ZNF704: variants seen among roughly 807,000 people sequenced by gnomAD.
The protein encoded by ZNF704 is zinc finger protein 704.
ZNF704 carries 10 observed loss-of-function variants against 44.7 expected under a neutral mutation model. That is an observed-to-expected ratio of 0.22 (90% CI 0.14 to 0.38). The LOEUF is 0.38. Among genes scored for constraint, ZNF704 ranks in the 10% least tolerant of loss-of-function variants. ZNF704 has a pLI of 1.00. For synonymous variants in ZNF704, 211 were observed against 207.6 expected (o/e 1.02, Z -0.14); for missense variants, 390 against 545.5 (o/e 0.71, Z 2.84).
Position 80,637,139 on chromosome 8 carries a change from A to AC in ZNF704, c.*4226dup, listed in dbSNP as rs1041755087. On this transcript the variant is annotated 3_prime_UTR_variant, in exon 9 of 9. Coordinates refer to ENST00000327835, the MANE Select transcript of ZNF704 (RefSeq NM_001033723.3). Reference sequence around the variant, plus strand: ...CAGCTCCAAACCGTTTTCCCAGGGCACTCCCCTATGCCTCACAAATGTCAG... The same window carrying AC: ...CAGCTCCAAACCGTTTTCCCAGGGCACCTCCCCTATGCCTCACAAATGTCAG... 4.9e-5 allele frequency: 7 copies of AC among 142,112 alleles called. No individual in the cohort carries two copies. The highest frequency in any genetic ancestry group is 9.1e-5 in the Non-Finnish European group (6 of 66,278). The allele number at this position is 142,112 out of a possible 1,614,324, so 8.8% of individuals were successfully genotyped here. A position where few individuals can be genotyped will look rare whatever the true frequency, so the allele number is the denominator to read the frequency against.
chr8:80,788,498 G>A (rs948208504), intron 2 of ZNF704, among the ~76,000 whole-genome samples: 1 of 152,218 alleles, frequency 6.6e-6, no homozygotes, highest in African/African-American at 2.4e-5. Context: ...CCAATGAGAT[G>A]TAACTGGAAG....
At chr8:80,757,334 T>C (rs1425975791) in intron 2 of ZNF704, among the ~76,000 whole-genome samples, 2 of 151,836 alleles carry the variant, frequency 1.3e-5, no homozygotes, top group Non-Finnish European at 2.9e-5. Flanking sequence ...AGGTTTAAAA[T>C]GTAAAAAATT....
chr8:80,715,961 T>C (rs1819066163), intron 2 of ZNF704, among the ~76,000 whole-genome samples: 2 of 151,886 alleles, frequency 1.3e-5, no homozygotes, highest in African/African-American at 4.8e-5. Flanking sequence ...ATGCCTGTAA[T>C]CCCAGCTACT....
chr8:80,882,880 A>G, the ZNF704 span, among the ~76,000 whole-genome samples: 1 of 151,870 alleles, frequency 6.6e-6, no homozygotes, highest in Non-Finnish European at 1.5e-5. Flanking sequence ...TATTGCTTAC[A>G]TGCCTTTCTT....
intron 2 of ZNF704, among the ~76,000 whole-genome samples, chr8:80,772,034 T>C (rs538389336): frequency 2.0e-5 from 3 of 152,336 alleles, no homozygotes; most frequent in South Asian, 2.1e-4. Context: ...GCTACAATGA[T>C]TGATCTTCAA....
chr8:80,868,009 T>C (rs1809186782), intron 1 of ZNF704, among the ~76,000 whole-genome samples: 1 of 152,208 alleles, frequency 6.6e-6, no homozygotes, highest in African/African-American at 2.4e-5. Flanking sequence ...TGTGTTCTTA[T>C]CCCTAAACTG....
chr8:80,807,514 A>G (rs1808009010), intron 2 of ZNF704, among the ~76,000 whole-genome samples: 1 of 151,796 alleles, frequency 6.6e-6, no homozygotes, highest in African/African-American at 2.4e-5. Flanking sequence ...TGGGTACCCA[A>G]TAAACATTTC....
At chr8:80,679,935 C>T (rs770159291) in intron 4 of ZNF704, among the ~76,000 whole-genome samples, 6 of 152,190 alleles carry the variant, frequency 3.9e-5, no homozygotes, top group Non-Finnish European at 7.4e-5. Flanking sequence ...CAGAGATTTT[C>T]GCCTTTGCAG....
intron 2 of ZNF704, among the ~76,000 whole-genome samples, chr8:80,792,655 G>C (rs958739223): frequency 3.3e-5 from 5 of 152,204 alleles, no homozygotes; most frequent in African/African-American, 1.2e-4. Flanking sequence ...CACATCAGGA[G>C]TAAAGGTTTC....
In ZNF704 at chr8:80,629,625, T is replaced by C. The variant is rs1206679097; in HGVS notation, c.*11741A>G. The C allele has an allele frequency of 6.6e-6, 1 of 152,168 alleles. No individual in the cohort carries two copies. The highest frequency in any genetic ancestry group is 2.4e-5 in the African/African-American group (1 of 41,442). The allele number at this position is 152,168 out of a possible 1,614,324, so 9.4% of individuals were successfully genotyped here. A position where few individuals can be genotyped will look rare whatever the true frequency, so the allele number is the denominator to read the frequency against. On this transcript the variant is annotated 3_prime_UTR_variant, in exon 9 of 9. Coordinates refer to ENST00000327835, the MANE Select transcript of ZNF704 (RefSeq NM_001033723.3). ...GAAAATATGAAATCAACAAGAGGGC[T>C]GAAGAAATTTGTGGATATTCTATAT...
chr8:80,880,465 C>A, the ZNF704 span, among the ~76,000 whole-genome samples: 1 of 152,200 alleles, frequency 6.6e-6, no homozygotes. Flanking sequence ...TCACATCTAA[C>A]CTCCCTACCC....
chr8:80,819,406 C>A (rs543802349), intron 2 of ZNF704, among the ~76,000 whole-genome samples: 2 of 152,190 alleles, frequency 1.3e-5, no homozygotes, highest in South Asian at 4.1e-4. Flanking sequence ...CTTAAAACAA[C>A]CTATGGCAAT....
the ZNF704 span, among the ~76,000 whole-genome samples, chr8:80,880,101 A>C: frequency 6.6e-6 from 1 of 151,976 alleles, no homozygotes; most frequent in South Asian, 2.1e-4. Flanking sequence ...TCTCTCTCAG[A>C]GTGTGTGTGA....
intron 2 of ZNF704, among the ~76,000 whole-genome samples, chr8:80,780,610 A>G (rs1026134017): frequency 2.0e-5 from 3 of 152,148 alleles, no homozygotes; most frequent in African/African-American, 7.2e-5. Flanking sequence ...TCCCATGACA[A>G]ATGTCCTTAT....
intron 2 of ZNF704, among the ~76,000 whole-genome samples, chr8:80,797,993 T>C (rs1304869675): frequency 1.3e-5 from 2 of 152,238 alleles, no homozygotes; most frequent in African/African-American, 2.4e-5. Flanking sequence ...GCAGCCTGAA[T>C]GTTTTACTGC....
chr8:80,765,375 CA>C (rs1404861791), intron 2 of ZNF704, among the ~76,000 whole-genome samples: 2 of 152,130 alleles, frequency 1.3e-5, no homozygotes, highest in African/African-American at 4.8e-5. Flanking sequence ...ATACACACCC[CA>C]AATCATGCTT....
chr8:80,835,322 GT>G (rs1267455872), intron 1 of ZNF704, among the ~76,000 whole-genome samples: 2 of 152,156 alleles, frequency 1.3e-5, no homozygotes, highest in Non-Finnish European at 2.9e-5. Flanking sequence ...CATGAGACAC[GT>G]CTCAATCAAT....
chr8:80,799,324 A>G (rs1444823389), intron 2 of ZNF704, among the ~76,000 whole-genome samples: 1 of 152,238 alleles, frequency 6.6e-6, no homozygotes, highest in Non-Finnish European at 1.5e-5. Flanking sequence ...TTGTTTTATA[A>G]TTGAATTGAA....
At chr8:80,748,293 C>T (rs1806881776) in intron 2 of ZNF704, among the ~76,000 whole-genome samples, 1 of 151,624 alleles carries the variant, frequency 6.6e-6, no homozygotes, top group South Asian at 2.1e-4. Context: ...GAACCCTCTT[C>T]TCCAGCCTAA....
Sources: allele counts gnomAD v4.1 joint callset (sites outside exome capture counted in the v4.1 genomes callset), GRCh38; gene constraint gnomAD v4.1.1; transcripts MANE v1.5; gene names NCBI Gene and HGNC (gene_info 2026-07-23, HGNC 2026-07-21).